GRID2: variants seen among roughly 807,000 people sequenced by gnomAD.
The protein encoded by GRID2 is glutamate receptor ionotropic, delta-2.
In GRID2, 33 loss-of-function variants were observed where a neutral mutation model predicts 114.8. That is an observed-to-expected ratio of 0.29 (90% CI 0.22 to 0.38). The LOEUF (loss-of-function observed/expected upper bound fraction) is 0.38. Ranked by LOEUF, GRID2 falls within the 10% of genes least tolerant of loss-of-function variation. The pLI is 1.00. For synonymous variants in GRID2, 505 were observed against 449.9 expected (o/e 1.12, Z -1.55); for missense variants, 1,184 against 1,257.7 (o/e 0.94, Z 0.89).
chr4:92,940,316 C>T (rs1299760567), intron 2 of GRID2, among the ~76,000 whole-genome samples: 1 of 146,864 alleles, frequency 6.8e-6, no homozygotes, highest in Non-Finnish European at 1.5e-5. Context: ...GTATTTTATT[C>T]TCTTTGAAGC....
intron 2 of GRID2, among the ~76,000 whole-genome samples, chr4:92,767,154 T>C (rs1461995905): frequency 6.6e-6 from 1 of 152,206 alleles, no homozygotes; most frequent in Non-Finnish European, 1.5e-5. Flanking sequence ...TCCAGTGGGC[T>C]TGAATGTAGA....
intron 2 of GRID2, among the ~76,000 whole-genome samples, chr4:92,859,520 C>T (rs1744393456): frequency 6.6e-6 from 1 of 152,042 alleles, no homozygotes; most frequent in South Asian, 2.1e-4. Flanking sequence ...AAATGAATTT[C>T]CCCTTCTTCC....
rs116751780 is a variant in GRID2 at position 93,353,501 on chromosome 4, C to A, written c.1246-42106C>A. Among the ~76,000 whole-genome samples the A allele has an allele frequency of 9.9e-3, 1,510 of 151,914 alleles. 15 individuals are homozygous for A. The highest frequency in any genetic ancestry group is 0.017 in the Non-Finnish European group (1,175 of 67,934). ...GAAACTGTCAAAATGGACTTCAGAC[C>A]ACACAATCACAGATGGTGCTGATAA... On this transcript the variant is annotated intron_variant, in intron 8 of 15. Transcript: ENST00000282020.
chr4:92,817,229 T>C (rs1200019344), intron 2 of GRID2, among the ~76,000 whole-genome samples: 1 of 152,132 alleles, frequency 6.6e-6, no homozygotes, highest in African/African-American at 2.4e-5. Context: ...ATTCTATATA[T>C]TTTTTTCTTA....
At chr4:92,864,483 A>C (rs1184217819) in intron 2 of GRID2, among the ~76,000 whole-genome samples, 1 of 152,198 alleles carries the variant, frequency 6.6e-6, no homozygotes, top group Non-Finnish European at 1.5e-5. Flanking sequence ...TTATGGAAGG[A>C]TAACTCATGC....
At chr4:93,360,418 T>A (rs1761781673) in intron 8 of GRID2, among the ~76,000 whole-genome samples, 1 of 152,190 alleles carries the variant, frequency 6.6e-6, no homozygotes, top group South Asian at 2.1e-4. Context: ...GAATATTTCA[T>A]CTGAGATCAA....
intron 2 of GRID2, among the ~76,000 whole-genome samples, chr4:92,864,136 C>T (rs565084599): frequency 6.6e-6 from 1 of 152,230 alleles, no homozygotes; most frequent in South Asian, 2.1e-4. Flanking sequence ...TTTACAATAA[C>T]AGGCATAGCT....
chr4:93,390,904 A>C (rs1764793950), intron 8 of GRID2, among the ~76,000 whole-genome samples: 1 of 152,072 alleles, frequency 6.6e-6, no homozygotes, highest in South Asian at 2.1e-4. Context: ...ATTTGTAGGA[A>C]TCAGTTAACA....
intron 7 of GRID2, among the ~76,000 whole-genome samples, 196 bp from the exon 8 acceptor site, chr4:93,238,175 A>C (rs931061343): frequency 6.6e-6 from 1 of 151,844 alleles, no homozygotes; most frequent in Non-Finnish European, 1.5e-5. Flanking sequence ...AGATTGGATT[A>C]AGGAATTTCC....
At chr4:92,506,152 A>G (rs1400587223) in intron 1 of GRID2, among the ~76,000 whole-genome samples, 1 of 151,988 alleles carries the variant, frequency 6.6e-6, no homozygotes, top group Non-Finnish European at 1.5e-5. Context: ...TTCTAGAAGT[A>G]CATGTGGCCA....
At chr4:92,561,206 G>A (rs1727089096) in intron 1 of GRID2, among the ~76,000 whole-genome samples, 1 of 152,178 alleles carries the variant, frequency 6.6e-6, no homozygotes, top group Non-Finnish European at 1.5e-5. Flanking sequence ...AAAAGTCCTT[G>A]AGTAAATGAA....
In GRID2 at chr4:93,290,295, T is replaced by C. The variant is rs1753598886; in HGVS notation, c.1245+51805T>C. Reference sequence around the variant, plus strand: ...TATGAGTGCGTGTTTATGAGTGTGTTTGGGGTAGAAAGAGGTGTTCGGATA... The same window carrying C: ...TATGAGTGCGTGTTTATGAGTGTGTCTGGGGTAGAAAGAGGTGTTCGGATA... On this transcript the variant is annotated intron_variant, in intron 8 of 15. Transcript: ENST00000282020. Among the ~76,000 whole-genome samples the C allele has an allele frequency of 3.9e-5, 6 of 152,158 alleles. No individual in the cohort carries two copies. In the South Asian group the frequency reaches 1.2e-3, roughly 32 times the overall value.
At chr4:93,456,087 G>T (rs1275593900) in intron 11 of GRID2, 113 bp downstream of exon 11, 4 of 666,298 alleles carry the variant, frequency 6.0e-6, no homozygotes, top group Non-Finnish European at 1.1e-5. Flanking sequence ...GTTCTAAAGG[G>T]TACTCACAGA....
intron 9 of GRID2, among the ~76,000 whole-genome samples, chr4:93,415,721 A>C (rs575678720): frequency 6.6e-6 from 1 of 152,186 alleles, no homozygotes; most frequent in African/African-American, 2.4e-5. Context: ...CTATTTCATT[A>C]GTTGAAAGCA....
intron 2 of GRID2, among the ~76,000 whole-genome samples, chr4:92,995,372 G>T (rs1369052577): frequency 2.6e-5 from 4 of 152,076 alleles, no homozygotes; most frequent in Non-Finnish European, 5.9e-5. Context: ...AAATTATATT[G>T]CACATTGGCC....
intron 8 of GRID2, among the ~76,000 whole-genome samples, chr4:93,379,063 G>GTTA (rs557090798): frequency 6.6e-6 from 1 of 152,052 alleles, no homozygotes; most frequent in South Asian, 2.1e-4. Context: ...AATAAAACAT[G>GTTA]CCTTAAGAAA....
chr4:93,264,873 C>G (rs1374607652), intron 8 of GRID2, among the ~76,000 whole-genome samples: 1 of 151,250 alleles, frequency 6.6e-6, no homozygotes, highest in African/African-American at 2.4e-5. Context: ...ACCTCTGCCT[C>G]CCAGATTCAA....
chr4:93,394,835 ATC>A (rs1345867272), intron 8 of GRID2, among the ~76,000 whole-genome samples: 1 of 151,932 alleles, frequency 6.6e-6, no homozygotes, highest in East Asian at 1.9e-4. Flanking sequence ...AAGTCAAATC[ATC>A]TCTTTCTTTC....
At chr4:93,066,609 C>T (rs1728318593) in intron 2 of GRID2, among the ~76,000 whole-genome samples, 1 of 151,764 alleles carries the variant, frequency 6.6e-6, no homozygotes, top group African/African-American at 2.4e-5. Context: ...ATTTCTTTTT[C>T]TTTTTGTATA....
Sources: gnomAD v4.1 joint callset for allele counts (sites outside exome capture counted in the v4.1 genomes callset) on GRCh38, gnomAD v4.1.1 for gene constraint, MANE v1.5 for transcripts, NCBI Gene and HGNC (gene_info 2026-07-23, HGNC 2026-07-21) for gene names.